The following MAP4K4 variants were observed in gnomAD, a reference collection of about 807,000 sequenced individuals.
MAP4K4 encodes HPK/GCK-like kinase HGK.
A neutral mutation model predicts 189.6 loss-of-function variants in MAP4K4; 38 were observed. That is an observed-to-expected ratio of 0.20 (90% CI 0.15 to 0.26). MAP4K4 has a LOEUF of 0.26. Among genes scored for constraint, MAP4K4 ranks in the 10% least tolerant of loss-of-function variants. The pLI, the probability that MAP4K4 is intolerant of heterozygous loss-of-function variation, is 1.00. For missense variants in MAP4K4, 1,054 were observed against 1,726.9 expected (o/e 0.61, Z 6.91); for synonymous variants, 610 against 624.3 (o/e 0.98, Z 0.34).
intron 12 of MAP4K4, among the ~76,000 whole-genome samples, chr2:101,848,504 T>C (rs2097179748): frequency 6.6e-6 from 1 of 152,150 alleles, no homozygotes; most frequent in Non-Finnish European, 1.5e-5. Flanking sequence ...ATATTAAAAC[T>C]GAAAGGAGAT....
In MAP4K4 at chr2:101,716,087, C is replaced by G. The variant is rs1332611070; in HGVS notation, c.123+17549C>G. 1.3e-5 allele frequency among the ~76,000 whole-genome samples: 2 copies of G among 152,156 alleles called. 1 individual carries two copies. The highest frequency in any genetic ancestry group is 4.8e-5 in the African/African-American group (2 of 41,434). The stretch of plus-strand genomic sequence containing the variant: ...TTTCTTCATGAAACTGGTCCCTGTG[C>G]CAAAAAGATTGGGACTGCTGTTCTA... On this transcript the variant is annotated intron_variant, in intron 2 of 32. Coordinates refer to ENST00000324219, the Ensembl canonical transcript of MAP4K4.
intron 2 of MAP4K4, among the ~76,000 whole-genome samples, chr2:101,776,227 C>CA (rs2084024517): frequency 1.3e-5 from 2 of 152,054 alleles, no homozygotes; most frequent in Non-Finnish European, 2.9e-5. Flanking sequence ...AAAAGTAAAA[C>CA]AAAAAACTCC....
chr2:101,874,137 G>T (rs1267848577), exon 26 of MAP4K4: 1 of 1,613,974 alleles, frequency 6.2e-7, no homozygotes, highest in Non-Finnish European at 8.5e-7. Flanking sequence ...ATCCTACCCG[G>T]AAAGGCTCAG....
chr2:101,822,747 A>C (rs2096144162), intron 3 of MAP4K4, among the ~76,000 whole-genome samples: 1 of 151,992 alleles, frequency 6.6e-6, no homozygotes, highest in Non-Finnish European at 1.5e-5. Flanking sequence ...CAGAGCCCCT[A>C]CTCTTCCCTG....
intron 2 of MAP4K4, among the ~76,000 whole-genome samples, chr2:101,752,911 G>A (rs1205379015): frequency 2.0e-5 from 3 of 152,188 alleles, no homozygotes; most frequent in Admixed American, 2.0e-4. Flanking sequence ...GGCTCCGACT[G>A]TAGGGAGCAT....
chr2:101,720,545 A>G (rs1249482035), intron 2 of MAP4K4, among the ~76,000 whole-genome samples: 1 of 152,004 alleles, frequency 6.6e-6, no homozygotes, highest in Admixed American at 6.5e-5. Context: ...CTGACTGGCT[A>G]AAAGATCTGT....
chr2:101,743,778 C>T (rs2063893418), intron 2 of MAP4K4, among the ~76,000 whole-genome samples: 1 of 152,130 alleles, frequency 6.6e-6, no homozygotes, highest in Non-Finnish European at 1.5e-5. Flanking sequence ...CTGCCTCAGC[C>T]TCCTGAATAG....
intron 17 of MAP4K4, among the ~76,000 whole-genome samples, chr2:101,864,515 T>C (rs946663666): frequency 2.0e-5 from 3 of 152,360 alleles, no homozygotes; most frequent in Middle Eastern, 3.4e-3. Flanking sequence ...AATTTATTTT[T>C]CCTCATTTGG....
exon 33 of MAP4K4, chr2:101,891,276 C>T (rs2150366143): frequency 6.3e-7 from 1 of 1,576,852 alleles, no homozygotes; most frequent in Non-Finnish European, 8.7e-7. Flanking sequence ...GGATTACTGG[C>T]CTCCAGAGTC....
At chr2:101,730,823 G>A (rs1017388670) in intron 2 of MAP4K4, among the ~76,000 whole-genome samples, 5 of 151,848 alleles carry the variant, frequency 3.3e-5, no homozygotes, top group African/African-American at 7.3e-5. Flanking sequence ...CGAGGCAGGC[G>A]GATCATGAGA....
At chr2:101,729,101 A>AGTGTGTGTGTGTGTGTGTGTGT (rs57635166) in intron 2 of MAP4K4, among the ~76,000 whole-genome samples, 6 of 130,606 alleles carry the variant, frequency 4.6e-5, no homozygotes, top group South Asian at 5.3e-4. Flanking sequence ...AGAGAGAGAG[A>AGTGTGTGTGTGTGTGTGTGTGT]GTGTGTGTGT....
chr2:101,849,252 A>G (rs887002986), intron 12 of MAP4K4, among the ~76,000 whole-genome samples: 2 of 152,018 alleles, frequency 1.3e-5, no homozygotes, highest in Non-Finnish European at 2.9e-5. Flanking sequence ...CCTCTCTAGT[A>G]GCTGGGTCTA....
intron 2 of MAP4K4, among the ~76,000 whole-genome samples, chr2:101,745,923 A>T (rs1359367653): frequency 6.8e-6 from 1 of 147,492 alleles, no homozygotes; most frequent in Non-Finnish European, 1.5e-5. Context: ...GCCGTGGTTG[A>T]TATCTGTCAG....
At chr2:101,844,798 G>T (rs540616147) in intron 12 of MAP4K4, among the ~76,000 whole-genome samples, 1 of 152,052 alleles carries the variant, frequency 6.6e-6, no homozygotes, top group East Asian at 1.9e-4. Context: ...AGTAGGGGAT[G>T]CAGATGAGGA....
intron 2 of MAP4K4, among the ~76,000 whole-genome samples, chr2:101,707,536 A>G (rs926341040): frequency 1.1e-4 from 16 of 151,616 alleles, no homozygotes; most frequent in African/African-American, 3.4e-4. Context: ...CTTTTGAGAC[A>G]GAGTTTTGCT....
At chr2:101,762,631 C>A (rs529690518) in intron 2 of MAP4K4, among the ~76,000 whole-genome samples, 2 of 152,280 alleles carry the variant, frequency 1.3e-5, no homozygotes, top group African/African-American at 4.8e-5. Context: ...TAAATGGGAG[C>A]TCTTTAACAA....
intron 2 of MAP4K4, among the ~76,000 whole-genome samples, chr2:101,736,766 T>A (rs1197787384): frequency 6.6e-6 from 1 of 152,202 alleles, no homozygotes; most frequent in Non-Finnish European, 1.5e-5. Flanking sequence ...CCTGCCAGAA[T>A]GTAAGTTCTG....
chr2:101,797,071 A>G (rs1307453396), intron 3 of MAP4K4, among the ~76,000 whole-genome samples: 1 of 152,224 alleles, frequency 6.6e-6, no homozygotes, highest in African/African-American at 2.4e-5. Flanking sequence ...GAGTAAAACA[A>G]GCATATTCCA....
intron 16 of MAP4K4, among the ~76,000 whole-genome samples, chr2:101,862,663 A>G (rs915034303): frequency 6.6e-6 from 1 of 152,144 alleles, no homozygotes; most frequent in African/African-American, 2.4e-5. Flanking sequence ...CCTCCTGTTC[A>G]TTCTTTGGGG....
Sources: allele counts gnomAD v4.1 joint callset (sites outside exome capture counted in the v4.1 genomes callset), GRCh38; gene constraint gnomAD v4.1.1; transcripts MANE v1.5; gene names NCBI Gene and HGNC (gene_info 2026-07-23, HGNC 2026-07-21).